The following KIF24 variants were observed in gnomAD, a reference collection of about 807,000 sequenced individuals.
KIF24 encodes kinesin family member 24.
In KIF24, 81 loss-of-function variants were observed where a neutral mutation model predicts 118.9. The ratio of observed to expected loss-of-function variants is 0.68; its 90% CI spans 0.57 to 0.82. The LOEUF is 0.82. Ranked by LOEUF, KIF24 falls within the 40% of genes least tolerant of loss-of-function variation. The pLI is 0.00. For missense variants in KIF24, 1,560 were observed against 1,661.6 expected (o/e 0.94, Z 1.06); for synonymous variants, 599 against 610.0 (o/e 0.98, Z 0.27).
chr9:34,332,505 G>T (rs1253407976), upstream of KIF24, among the ~76,000 whole-genome samples: 2 of 152,162 alleles, frequency 1.3e-5, no homozygotes, highest in Non-Finnish European at 2.9e-5. Context: ...TCTGTCGCAT[G>T]GGATACGCAC....
At chr9:34,255,620 A>T (rs1834797562) in intron 11 of KIF24, 115 bp downstream of exon 11, 1 of 895,200 alleles carries the variant, frequency 1.1e-6, no homozygotes, top group Non-Finnish European at 1.7e-6. Flanking sequence ...CTAGAAGCAG[A>T]CTAGCTCACC....
chr9:34,260,283 T>C (rs1251027897), intron 9 of KIF24, among the ~76,000 whole-genome samples: 2 of 152,232 alleles, frequency 1.3e-5, no homozygotes, highest in African/African-American at 4.8e-5. Context: ...AAAAAAAGTA[T>C]ATATGATATT....
intron 1 of KIF24, among the ~76,000 whole-genome samples, chr9:34,314,330 AT>A (rs1452278560): frequency 6.6e-6 from 1 of 151,738 alleles, no homozygotes; most frequent in African/African-American, 2.4e-5. Flanking sequence ...CGCCCGGCTA[AT>A]TTTTTTGTAT....
Position 34,256,862 on chromosome 9 carries a change from C to T in KIF24, c.2745G>A (p.Gly915=). 3 of 1,614,002 alleles carry T rather than the reference C, an allele frequency of 1.9e-6. No homozygotes were observed. The African/African-American group carries it at 4.0e-5, about 22-fold the overall frequency. The change falls in exon 11 of 13, where the codon GGG becomes GGA. Residue 915 remains glycine, a synonymous_variant. Coordinates refer to ENST00000402558, the MANE Select transcript of KIF24 (RefSeq NM_194313.4). ...ALDHSCSPSK[G]PVDWSRENST... ...AGTTCTCTCTGCTCCAGTCCACGGG[C>T]CCCTTACTTGGGCTGCAGCTGTGAT...
chr9:34,333,255 C>CT (rs765915321), upstream of KIF24, among the ~76,000 whole-genome samples: 3 of 152,152 alleles, frequency 2.0e-5, no homozygotes, highest in Non-Finnish European at 4.4e-5. Flanking sequence ...CTACGGCCCT[C>CT]TCCCCCCAAC....
chr9:34,269,819 G>A (rs913063686), intron 7 of KIF24, among the ~76,000 whole-genome samples: 1 of 152,198 alleles, frequency 6.6e-6, no homozygotes, highest in Non-Finnish European at 1.5e-5. Context: ...GCTGGGTGTG[G>A]TGGCTCACAC....
At chr9:34,263,350 G>A (rs1835165756) in intron 8 of KIF24, among the ~76,000 whole-genome samples, 178 bp from the exon 9 acceptor site, 1 of 152,136 alleles carries the variant, frequency 6.6e-6, no homozygotes, top group African/African-American at 2.4e-5. Context: ...GCTAGATTGG[G>A]AAACACCATC....
At chr9:34,298,293 C>A (rs977895093) in intron 3 of KIF24, among the ~76,000 whole-genome samples, 2 of 152,170 alleles carry the variant, frequency 1.3e-5, no homozygotes, top group African/African-American at 4.8e-5. Context: ...CACCTGTAAT[C>A]TCAGCACTTT....
rs1837398827 is a variant in KIF24, at chr9:34,318,406, G to A, written c.-25-7035C>T. 6.4e-6 allele frequency: 3 copies of A among 471,856 alleles called. No homozygotes were observed. Among genetic ancestry groups the A allele is most frequent in the South Asian group, 3.1e-5 (2 of 64,500 alleles). The allele number at this position is 471,856 out of a possible 1,614,324, so 29.2% of individuals were successfully genotyped here. On this transcript the variant is annotated intron_variant, in intron 1 of 12. Transcript: ENST00000402558. The surrounding 1 kb of genome is among the most constrained non-coding windows in gnomAD (Gnocchi z 4.9). Reference sequence around the variant, plus strand: ...TGCACGCAAACCACCTCCCAGCCACGCGCTCCCTCCTGCTCCTCAGCGCCT... The same window carrying A: ...TGCACGCAAACCACCTCCCAGCCACACGCTCCCTCCTGCTCCTCAGCGCCT...
At chr9:34,276,301 C>G (rs1175719418) in intron 6 of KIF24, among the ~76,000 whole-genome samples, 2 of 150,508 alleles carry the variant, frequency 1.3e-5, no homozygotes, top group African/African-American at 4.9e-5. Flanking sequence ...ACTCAGGAGG[C>G]TGAGGCAGCA....
chr9:34,262,708 A>ATATATATATATC (rs1835138047), intron 9 of KIF24, among the ~76,000 whole-genome samples: 1 of 57,846 alleles, frequency 1.7e-5, no homozygotes, highest in African/African-American at 6.5e-5. Context: ...ATATATATAT[A>ATATATATATATC]TATATGGCCA....
At chr9:34,299,266 C>T (rs7039474) in intron 3 of KIF24, among the ~76,000 whole-genome samples, 34,195 of 151,762 alleles carry the variant, frequency 0.23, 4,548 homozygotes, top group East Asian at 0.61. Context: ...CTGCAACCTC[C>T]ATCTCTTGGG....
chr9:34,293,833 T>G (rs1836352662), intron 4 of KIF24, among the ~76,000 whole-genome samples: 1 of 152,200 alleles, frequency 6.6e-6, no homozygotes. Flanking sequence ...AAATTAAACC[T>G]ACAATGAGAT....
chr9:34,332,040 G>C (rs1371827752), upstream of KIF24, among the ~76,000 whole-genome samples: 1 of 152,160 alleles, frequency 6.6e-6, no homozygotes, highest in East Asian at 1.9e-4. Flanking sequence ...TGTTGCAATA[G>C]ACTTGTAACT....
intron 1 of KIF24, among the ~76,000 whole-genome samples, chr9:34,321,711 A>G (rs1158958947): frequency 1.3e-5 from 2 of 151,158 alleles, no homozygotes; most frequent in East Asian, 3.9e-4. Flanking sequence ...GGCTCAACCA[A>G]TCCTCCTGCT....
intron 4 of KIF24, among the ~76,000 whole-genome samples, chr9:34,293,907 A>G (rs918222858): frequency 3.9e-5 from 6 of 152,240 alleles, no homozygotes; most frequent in African/African-American, 1.4e-4. Context: ...TTGCAGAACT[A>G]CAATTCTCAT....
In KIF24 at chr9:34,311,318, C is replaced by A; in HGVS notation, c.29G>T (p.Cys10Phe). 1 of 1,584,560 alleles carries A rather than the reference C, an allele frequency of 6.3e-7. No homozygotes were observed. The change falls in exon 2 of 13, where the codon TGT becomes TTT. Residue 10 changes from cysteine to phenylalanine, a missense_variant. Cys to Phe is a radical substitution (Grantham distance 205, BLOSUM62 -2). This residue lies in a region of KIF24 where 964 missense variants were observed against 988.0 expected (regional missense o/e 0.98). Coordinates refer to ENST00000402558, the MANE Select transcript of KIF24 (RefSeq NM_194313.4). MASWLYECLCEAELAQYYSH... is the reference protein window; with the variant it reads MASWLYECLFEAELAQYYSH... The stretch of plus-strand genomic sequence containing the variant: ...ATAATACTGTGCAAGTTCAGCTTCA[C>A]AAAGACATTCATATAACCAGGATGC...
chr9:34,326,421 A>G (rs1837674863), intron 1 of KIF24, among the ~76,000 whole-genome samples: 1 of 152,212 alleles, frequency 6.6e-6, no homozygotes, highest in Non-Finnish European at 1.5e-5. Context: ...TTTTAATGGG[A>G]AGAGATAATT....
intron 2 of KIF24, among the ~76,000 whole-genome samples, chr9:34,307,027 T>C (rs1473774790): frequency 6.6e-6 from 1 of 152,040 alleles, no homozygotes; most frequent in Non-Finnish European, 1.5e-5. Context: ...TATACAATTG[T>C]TTCATATCAA....
Sources: gnomAD v4.1 joint callset for allele counts (sites outside exome capture counted in the v4.1 genomes callset) on GRCh38, gnomAD v4.1.1 for gene constraint, gnomAD v4.1.1 regional missense constraint, Gnocchi (gnomAD v3.1) non-coding constraint, MANE v1.5 for transcripts, NCBI Gene and HGNC (gene_info 2026-07-23, HGNC 2026-07-21) for gene names.